Variants in KDM5A observed in about 807,000 individuals in gnomAD.
KDM5A encodes the protein lysine-specific demethylase 5A.
In KDM5A, 42 loss-of-function variants were observed where a neutral mutation model predicts 193.5. The observed-to-expected ratio is 0.22, with a 90% CI of 0.17 to 0.28. KDM5A has a LOEUF of 0.28. KDM5A is among the 10% of genes least tolerant of loss of function. The probability of loss-of-function intolerance (pLI) is 1.00; values close to 1 mark genes in which losing one functional copy is unlikely to be tolerated. For synonymous variants in KDM5A, 796 were observed against 718.1 expected (o/e 1.11, Z -1.73); for missense variants, 1,692 against 2,055.1 (o/e 0.82, Z 3.42).
chr12:383,808 G>A (rs1166641050), intron 3 of KDM5A, among the ~76,000 whole-genome samples: 1 of 151,620 alleles, frequency 6.6e-6, no homozygotes, highest in East Asian at 1.9e-4. Flanking sequence ...TAGTACAATG[G>A]CGCGATCTCA....
intron 10 of KDM5A, among the ~76,000 whole-genome samples, chr12:349,119 C>T (rs1249463985): frequency 6.6e-6 from 1 of 150,534 alleles, no homozygotes; most frequent in Non-Finnish European, 1.5e-5. Context: ...CTCCTGGATT[C>T]AAGTGATTAT....
chr12:365,832 C>A, intron 4 of KDM5A, 102 bp downstream of exon 4: 1 of 1,111,080 alleles, frequency 9.0e-7, no homozygotes, highest in South Asian at 1.2e-5. Context: ...CTTTGCTTCC[C>A]CAAATTTTGG....
intron 10 of KDM5A, among the ~76,000 whole-genome samples, chr12:343,875 G>A (rs893546956): frequency 1.3e-5 from 2 of 152,210 alleles, no homozygotes; most frequent in African/African-American, 2.4e-5. Flanking sequence ...AAGGATGGCA[G>A]CTCCTTGCCA....
Position 323,210 on chromosome 12 carries a change from CAAAAAAAAAAAAAAAA to C in KDM5A, c.2151-20_2151-5del, listed in dbSNP as rs60377454. 7.8e-3 allele frequency: 2,309 copies of C among 296,994 alleles called. 6 individuals carry two copies. Among genetic ancestry groups the C allele is most frequent in the South Asian group, 0.025 (659 of 26,432 alleles). 18.4% of individuals were successfully genotyped at this position (296,994 alleles called of 1,614,324 possible). On this transcript the variant is annotated splice_polypyrimidine_tract_variant and splice_region_variant and intron_variant, in intron 15 of 27. Coordinates refer to ENST00000399788, the MANE Select transcript of KDM5A (RefSeq NM_001042603.3). ...GTCTTCTAATGGGTAGCGATATCTA[CAAAAAAAAAAAAAAAA>C]AAAAAAAAAAAAAGAAAACAGAAAT...
At chr12:318,798 C>A (rs556435346) in intron 18 of KDM5A, among the ~76,000 whole-genome samples, 2 of 152,166 alleles carry the variant, frequency 1.3e-5, no homozygotes, top group Non-Finnish European at 2.9e-5. Context: ...GATGACCAGA[C>A]AGTGAACATA....
chr12:285,749 A>G, intron 27 of KDM5A, 87 bp from the exon 28 acceptor site: 1 of 1,117,826 alleles, frequency 8.9e-7, no homozygotes, highest in Non-Finnish European at 1.4e-6. Context: ...CTTGGCTTAA[A>G]CAATAGCAAA....
Position 280,952 on chromosome 12 carries a change from TC to T in KDM5A, c.*4503del. The T allele has an allele frequency of 4.3e-6, 1 of 233,042 alleles. No individual in the cohort carries two copies. The highest frequency in any genetic ancestry group is 8.5e-6 in the Non-Finnish European group (1 of 117,904). 14.4% of individuals were successfully genotyped at this position (233,042 alleles called of 1,614,324 possible). On this transcript the variant is annotated 3_prime_UTR_variant, in exon 28 of 28. Coordinates refer to ENST00000399788, the MANE Select transcript of KDM5A (RefSeq NM_001042603.3). Reference sequence around the variant, plus strand: ...AAATTAGAAACTGCTTTGGCACAGGTCAAAGGTGGCTCCCATATACTCACTA... The same window carrying T: ...AAATTAGAAACTGCTTTGGCACAGGTAAAGGTGGCTCCCATATACTCACTA...
intron 10 of KDM5A, among the ~76,000 whole-genome samples, chr12:339,917 C>A (rs1943979493): frequency 6.6e-6 from 1 of 151,384 alleles, no homozygotes; most frequent in East Asian, 1.9e-4. Context: ...CTCTGCCACC[C>A]AGGCTGGAGT....
chr12:373,941 GAGAC>G (rs1209452225), intron 3 of KDM5A, among the ~76,000 whole-genome samples: 1 of 152,236 alleles, frequency 6.6e-6, no homozygotes, highest in Non-Finnish European at 1.5e-5. Flanking sequence ...TGTGGTCTGA[GAGAC>G]AGTTTGTTAT....
intron 17 of KDM5A, 68 bp downstream of exon 17, chr12:322,349 T>A (rs2137409167): frequency 6.7e-7 from 1 of 1,488,432 alleles, no homozygotes; most frequent in Non-Finnish European, 9.2e-7. Context: ...ACAGGCCGGA[T>A]AAAATTTTGG....
chr12:281,355 G>C lies in KDM5A; in HGVS notation c.*4101C>G, dbSNP rs1591890646. The C allele has an allele frequency of 4.3e-6, 1 of 232,994 alleles. No individual in the cohort carries two copies. Among genetic ancestry groups the C allele is most frequent in the African/African-American group, 2.2e-5 (1 of 45,334 alleles). The allele number at this position is 232,994 out of a possible 1,614,324, so 14.4% of individuals were successfully genotyped here. On this transcript the variant is annotated 3_prime_UTR_variant, in exon 28 of 28. Transcript: ENST00000399788. ...CAAAAGAAAAAACAAACAAGATACA[G>C]CTTTCATAACCCATCATATCCTTGC...
At chr12:333,795 C>T in intron 11 of KDM5A, 146 bp from the exon 12 acceptor site, 1 of 790,356 alleles carries the variant, frequency 1.3e-6, no homozygotes, top group South Asian at 1.5e-5. Flanking sequence ...ATCTTATAAA[C>T]CTGTGCTGTT....
intron 3 of KDM5A, among the ~76,000 whole-genome samples, chr12:368,897 T>C (rs1944389833): frequency 6.6e-6 from 1 of 152,186 alleles, no homozygotes; most frequent in Non-Finnish European, 1.5e-5. Flanking sequence ...CAGGATAAAG[T>C]ACTATACCAA....
Position 295,784 on chromosome 12 carries a change from G to T in KDM5A, c.4244C>A (p.Thr1415Asn). ...GCTCTTCCGAGGTTGTTTCCTTGGG[G>T]TGCTAGAACCTTTCCCAAAAAATAC... is the stretch of plus-strand genomic sequence containing the variant. ...ASKSCSQGSSTPRKQPRKSPL... is the reference protein window; with the variant it reads ...ASKSCSQGSSNPRKQPRKSPL... Residue 1415 changes from threonine to asparagine, a missense_variant, in exon 26 of 28, where the codon ACC becomes AAC. Transcript: ENST00000399788. The T allele has an allele frequency of 1.2e-6, 2 of 1,613,910 alleles. No homozygotes were observed. Among genetic ancestry groups the T allele is most frequent in the Non-Finnish European group, 1.7e-6 (2 of 1,179,882 alleles).
intron 6 of KDM5A, among the ~76,000 whole-genome samples, chr12:355,782 A>C (rs2137457238): frequency 6.6e-6 from 1 of 152,342 alleles, no homozygotes; most frequent in South Asian, 2.1e-4. Context: ...TACACATCTA[A>C]GTACACAGTA....
At chr12:329,482 T>C (rs1383405084) in intron 13 of KDM5A, among the ~76,000 whole-genome samples, 1 of 150,206 alleles carries the variant, frequency 6.7e-6, no homozygotes, top group Admixed American at 6.6e-5. Flanking sequence ...CAGATGTTAT[T>C]AGAAGAAAAA....
At chr12:353,859 T>C (rs1482035390) in intron 8 of KDM5A, among the ~76,000 whole-genome samples, 2 of 149,734 alleles carry the variant, frequency 1.3e-5, no homozygotes, top group African/African-American at 2.5e-5. Flanking sequence ...GAGGTGGAGG[T>C]TGCAGTGAGC....
rs970276855 is a variant in KDM5A at position 389,186 on chromosome 12, G to C, written c.-95C>G. The C allele has an allele frequency of 1.7e-6, 2 of 1,170,948 alleles. No individual in the cohort carries two copies. The allele number at this position is 1,170,948 out of a possible 1,614,324, so 72.5% of individuals were successfully genotyped here. A position where few individuals can be genotyped will look rare whatever the true frequency, so the allele number is the denominator to read the frequency against. ...AGCCCGTTCAAGTCCCCTGACAGAG[G>C]CCGAAGCGCATCTTCGCGGACAAGA... On this transcript the variant is annotated 5_prime_UTR_variant, in exon 1 of 28. Coordinates refer to ENST00000399788, the MANE Select transcript of KDM5A (RefSeq NM_001042603.3).
intron 3 of KDM5A, among the ~76,000 whole-genome samples, chr12:379,485 T>G (rs988263093): frequency 6.6e-6 from 1 of 152,038 alleles, no homozygotes; most frequent in African/African-American, 2.4e-5. Context: ...ATATGAAAAT[T>G]TATTGAACTG....
Sources: gnomAD v4.1 joint callset for allele counts (sites outside exome capture counted in the v4.1 genomes callset) on GRCh38, gnomAD v4.1.1 for gene constraint, MANE v1.5 for transcripts, NCBI Gene and HGNC (gene_info 2026-07-23, HGNC 2026-07-21) for gene names.